The following HNF4A variants were observed in gnomAD, a reference collection of about 807,000 sequenced individuals.
The protein encoded by HNF4A is hepatocyte nuclear factor 4 alpha, also known as hepatocyte nuclear factor 4-alpha.
In HNF4A, 15 loss-of-function variants were observed where a neutral mutation model predicts 52.4. The ratio of observed to expected loss-of-function variants is 0.29; its 90% confidence interval spans 0.19 to 0.44. The LOEUF (loss-of-function observed/expected upper bound fraction) is 0.44. HNF4A is among the 20% of genes least tolerant of loss of function. The probability of loss-of-function intolerance (pLI) is 1.00; values close to 1 mark genes in which losing one functional copy is unlikely to be tolerated. For missense variants in HNF4A, 479 were observed against 647.2 expected, an observed-to-expected ratio of 0.74 and a Z score of 2.82; for synonymous variants, 280 against 264.4, an observed-to-expected ratio of 1.06 and a Z score of -0.57.
At chr20:44,387,817 T>C (rs2063249342) in intron 1 of HNF4A, among the ~76,000 whole-genome samples, 1 of 151,988 alleles carries the variant, frequency 6.6e-6, no homozygotes, top group Admixed American at 6.6e-5. Flanking sequence ...ATGGAAAATC[T>C]AGATTCTGTT....
intron 5 of HNF4A, among the ~76,000 whole-genome samples, chr20:44,417,222 G>A (rs2063677926): frequency 6.6e-6 from 1 of 152,168 alleles, no homozygotes; most frequent in Non-Finnish European, 1.5e-5. Context: ...CCTTGAAGAT[G>A]AGAAGATGAG....
At chr20:44,363,883 G>A (rs1257787108) in intron 1 of HNF4A, among the ~76,000 whole-genome samples, 4 of 151,936 alleles carry the variant, frequency 2.6e-5, no homozygotes, top group Admixed American at 6.6e-5. Context: ...TCTTGGTAGA[G>A]ATGGGTTTCA....
At chr20:44,417,752 C>G (rs1810519204) in intron 5 of HNF4A, among the ~76,000 whole-genome samples, 1 of 152,172 alleles carries the variant, frequency 6.6e-6, no homozygotes. Context: ...TTGGGCTGAT[C>G]ACCTGAGGTC....
intron 1 of HNF4A, among the ~76,000 whole-genome samples, chr20:44,358,142 AC>A (rs963474045): frequency 1.3e-4 from 19 of 148,692 alleles, no homozygotes; most frequent in South Asian, 2.2e-4. Flanking sequence ...AAAAAAAAAA[AC>A]AAAACAAAAA....
At chr20:44,427,265 T>G (rs1161964152) in intron 8 of HNF4A, among the ~76,000 whole-genome samples, 1 of 152,226 alleles carries the variant, frequency 6.6e-6, no homozygotes, top group Non-Finnish European at 1.5e-5. Context: ...GGGGTTATTA[T>G]GAATCAGGTG....
rs1330537732 is a variant in HNF4A, at chr20:44,430,629, A to T, written c.*964A>T. On this transcript the variant is annotated 3_prime_UTR_variant, in exon 10 of 10. Transcript: ENST00000316099. ...GAATGGTGTGGGAGAGGGATGATGA[A>T]GAGAGAGAGGGCCTGCTGGAGAGCA... 2 of 152,552 alleles carry T rather than the reference A, an allele frequency of 1.3e-5. No individual in the cohort carries two copies. The highest frequency in any genetic ancestry group is 4.8e-5 in the African/African-American group (2 of 41,436). 9.4% of individuals were successfully genotyped at this position (152,552 alleles called of 1,614,324 possible). A position where few individuals can be genotyped will look rare whatever the true frequency, so the allele number is the denominator to read the frequency against.
At chr20:44,360,589 G>T (rs2146151082) in intron 1 of HNF4A, among the ~76,000 whole-genome samples, 1 of 152,276 alleles carries the variant, frequency 6.6e-6, no homozygotes, top group Non-Finnish European at 1.5e-5. Flanking sequence ...GGATAAGAAG[G>T]GGTGGGCTGA....
chr20:44,387,675 G>A (rs2063246277), intron 1 of HNF4A, among the ~76,000 whole-genome samples: 1 of 100,070 alleles, frequency 1.0e-5, no homozygotes, highest in East Asian at 3.0e-4. Flanking sequence ...GGGAGGCGGG[G>A]GGGGCGGTGG....
At position 44,385,421 on chromosome 20, in the gene HNF4A, G is replaced by A. The variant is rs191304120; in HGVS notation, c.50-20637G>A. On this transcript the variant is annotated intron_variant, in intron 1 of 9. Coordinates refer to the HNF4A transcript ENST00000316673. ...TGAGGCTGGGGTTCAAGACAAGCCT[G>A]GACAACATAGCAAGACACCTCCCCC... is the stretch of plus-strand genomic sequence containing the variant. 3.4e-3 allele frequency among the ~76,000 whole-genome samples: 519 copies of A among 151,920 alleles called. 3 individuals are homozygous for A. Among genetic ancestry groups the A allele is most frequent in the Middle Eastern group, 6.8e-3 (2 of 294 alleles).
At chr20:44,370,895 G>T (rs755546228) in intron 1 of HNF4A, among the ~76,000 whole-genome samples, 2 of 152,170 alleles carry the variant, frequency 1.3e-5, no homozygotes, top group Non-Finnish European at 2.9e-5. Flanking sequence ...AGCCTGGGCC[G>T]CCAAACTGCC....
At chr20:44,380,421 A>C (rs2063139734) in intron 1 of HNF4A, among the ~76,000 whole-genome samples, 1 of 152,100 alleles carries the variant, frequency 6.6e-6, no homozygotes, top group Non-Finnish European at 1.5e-5. Context: ...CGGCCTCCCA[A>C]GTAAGCTGGG....
At position 44,424,094 on chromosome 20, in the gene HNF4A, C is replaced by A. The variant is rs2063784630; in HGVS notation, c.969C>A (p.Ile323=). 1 of 1,613,310 alleles carries A rather than the reference C, an allele frequency of 6.2e-7. No homozygotes were observed. Among genetic ancestry groups the A allele is most frequent in the South Asian group, 1.1e-5 (1 of 91,060 alleles). ...TGCAGGTGAGCTTGGAGGACTACAT[C>A]AACGACCGCCAGTATGACTCGCGTG... The change falls in exon 8 of 10, where the codon ATC becomes ATA. Residue 323 remains isoleucine (I), a synonymous_variant. Transcript: ENST00000316099.
chr20:44,410,569 G>A (rs1055231396), intron 3 of HNF4A, among the ~76,000 whole-genome samples: 2 of 152,070 alleles, frequency 1.3e-5, no homozygotes, highest in Non-Finnish European at 2.9e-5. Context: ...GGAGAGTTGG[G>A]ACAAGTTTTT....
intron 3 of HNF4A, among the ~76,000 whole-genome samples, chr20:44,412,819 G>C (rs546427827): frequency 6.6e-6 from 1 of 152,174 alleles, no homozygotes; most frequent in Admixed American, 6.5e-5. Flanking sequence ...ACGAGAAAGA[G>C]TGCAGGGAGC....
intron 1 of HNF4A, among the ~76,000 whole-genome samples, chr20:44,367,928 C>T (rs1373190019): frequency 6.6e-6 from 1 of 151,458 alleles, no homozygotes; most frequent in African/African-American, 2.4e-5. Context: ...TAGAATTCAA[C>T]ATCAAGGATT....
At chr20:44,416,288 T>A (rs2063663781) in intron 5 of HNF4A, among the ~76,000 whole-genome samples, 1 of 152,230 alleles carries the variant, frequency 6.6e-6, no homozygotes, top group South Asian at 2.1e-4. Flanking sequence ...TCCAAAGGGC[T>A]TCCCAATTTT....
At chr20:44,411,365 A>G (rs769914074) in intron 3 of HNF4A, among the ~76,000 whole-genome samples, 8 of 152,266 alleles carry the variant, frequency 5.3e-5, no homozygotes, top group Non-Finnish European at 1.2e-4. Flanking sequence ...CATTTGGAAA[A>G]CATCATTCCG....
chr20:44,402,643 A>C lies in HNF4A; in HGVS notation c.115+1156A>C, dbSNP rs747623361. Reference sequence around the variant, plus strand: ...GAGGGGTGGACAGTTCTCCACAGGGAGGTAGGGGAAAAGAGGAGGCCCGGA... The same window carrying C: ...GAGGGGTGGACAGTTCTCCACAGGGCGGTAGGGGAAAAGAGGAGGCCCGGA... On this transcript the variant is annotated intron_variant, in intron 1 of 9. Transcript: ENST00000316099. 5 of 1,357,810 alleles carry C rather than the reference A, an allele frequency of 3.7e-6. No homozygotes were observed. The South Asian group carries it at 5.8e-5, about 16-fold the overall frequency. The allele number at this position is 1,357,810 out of a possible 1,614,324, so 84.1% of individuals were successfully genotyped here. A position where few individuals can be genotyped will look rare whatever the true frequency, so the allele number is the denominator to read the frequency against.
intron 5 of HNF4A, among the ~76,000 whole-genome samples, chr20:44,415,527 T>A (rs2063651366): frequency 6.6e-6 from 1 of 152,170 alleles, no homozygotes; most frequent in African/African-American, 2.4e-5. Flanking sequence ...TCCAAAGAGA[T>A]GTTACCCATC....
Sources: gnomAD v4.1 joint callset for allele counts (sites outside exome capture counted in the v4.1 genomes callset) on GRCh38, gnomAD v4.1.1 for gene constraint, MANE v1.5 for transcripts, NCBI Gene and HGNC (gene_info 2026-07-23, HGNC 2026-07-21) for gene names.